The following FHIT variants were observed in gnomAD, a reference collection of about 807,000 sequenced individuals.
FHIT encodes the protein bis(5'-adenosyl)-triphosphatase.
A neutral mutation model predicts 17.9 loss-of-function variants in FHIT; 19 were observed. The observed-to-expected ratio is 1.06, with a 90% CI of 0.74 to 1.56. FHIT has a LOEUF of 1.56. Ranked by LOEUF, FHIT falls within the 40% of genes most tolerant of loss-of-function variation. The pLI is 0.00. For synonymous variants in FHIT, 81 were observed against 69.7 expected, an observed-to-expected ratio of 1.16 and a Z score of -0.81; for missense variants, 248 against 189.2, an observed-to-expected ratio of 1.31 and a Z score of -1.82.
In FHIT at chr3:60,496,270, T is replaced by C. The variant is rs187383947; in HGVS notation, c.103+40590A>G. Among the ~76,000 whole-genome samples, 3 of 152,172 alleles carry C rather than the reference T, an allele frequency of 2.0e-5. No homozygotes were observed. In the East Asian group the frequency reaches 5.8e-4, roughly 29 times the overall value. On this transcript the variant is annotated intron_variant, in intron 5 of 9. Transcript: ENST00000492590. ...CTGTGATGGATATGATCACAAAGGA[T>C]TTAAATCTAGAATATATAAAAATAC...
chr3:60,653,341 T>C (rs1242808778), intron 4 of FHIT, among the ~76,000 whole-genome samples: 1 of 152,144 alleles, frequency 6.6e-6, no homozygotes, highest in Admixed American at 6.5e-5. Flanking sequence ...TGGAATTTTA[T>C]AAATGCGTAA....
At chr3:60,542,440 T>TATTTTCC (rs1433957910) in intron 4 of FHIT, among the ~76,000 whole-genome samples, 2 of 152,210 alleles carry the variant, frequency 1.3e-5, no homozygotes, top group East Asian at 3.9e-4. Flanking sequence ...TCCTACATCC[T>TATTTTCC]TACCAGCACT....
intron 7 of FHIT, among the ~76,000 whole-genome samples, chr3:59,959,256 T>C (rs13325381): frequency 0.027 from 4,099 of 152,258 alleles, 212 homozygotes; most frequent in African/African-American, 0.094. Flanking sequence ...TGCTTCTCAA[T>C]CATTGTCGGA....
chr3:59,934,205 A>G (rs1706113280), intron 7 of FHIT, among the ~76,000 whole-genome samples: 1 of 152,194 alleles, frequency 6.6e-6, no homozygotes, highest in Non-Finnish European at 1.5e-5. Context: ...AAACTGCATG[A>G]TAGATATAAT....
At chr3:60,248,067 T>C (rs1181152936) in intron 5 of FHIT, among the ~76,000 whole-genome samples, 4 of 152,182 alleles carry the variant, frequency 2.6e-5, no homozygotes, top group Admixed American at 6.5e-5. Context: ...GAATGACTTA[T>C]AACCATATCT....
At chr3:60,353,354 T>C (rs764212187) in intron 5 of FHIT, among the ~76,000 whole-genome samples, 15 of 152,176 alleles carry the variant, frequency 9.9e-5, no homozygotes, top group Non-Finnish European at 2.1e-4. Flanking sequence ...TTATGCACTA[T>C]ACAAAGTATA....
chr3:60,241,557 A>G (rs1210854334), intron 5 of FHIT, among the ~76,000 whole-genome samples: 1 of 152,096 alleles, frequency 6.6e-6, no homozygotes, highest in Non-Finnish European at 1.5e-5. Context: ...CTTTTTTTGT[A>G]AGGGTTGAAA....
chr3:60,732,967 T>C (rs1008983152), intron 4 of FHIT, among the ~76,000 whole-genome samples: 5 of 152,172 alleles, frequency 3.3e-5, no homozygotes, highest in Non-Finnish European at 7.3e-5. Context: ...ATTACAGGCG[T>C]GAGCCACCAC....
intron 5 of FHIT, among the ~76,000 whole-genome samples, chr3:60,381,464 G>A (rs371427305): frequency 1.3e-5 from 2 of 148,492 alleles, no homozygotes; most frequent in East Asian, 2.0e-4. Flanking sequence ...GGCAACAAGA[G>A]CAAAACTCCA....
At chr3:60,216,284 G>C (rs1247241490) in intron 5 of FHIT, among the ~76,000 whole-genome samples, 2 of 152,160 alleles carry the variant, frequency 1.3e-5, no homozygotes, top group East Asian at 3.9e-4. Flanking sequence ...CTGATCTAAA[G>C]ACAGTCTAGG....
intron 3 of FHIT, among the ~76,000 whole-genome samples, chr3:60,965,691 T>G (rs1709697831): frequency 6.6e-6 from 1 of 152,202 alleles, no homozygotes; most frequent in Admixed American, 6.5e-5. Context: ...TGTTGGAGTT[T>G]GCTGGAGGTC....
At chr3:60,700,302 C>T (rs2041216216) in intron 4 of FHIT, among the ~76,000 whole-genome samples, 1 of 151,986 alleles carries the variant, frequency 6.6e-6, no homozygotes, top group African/African-American at 2.4e-5. Context: ...AGTTTCATAC[C>T]AGTACATACA....
intron 5 of FHIT, among the ~76,000 whole-genome samples, chr3:60,358,512 T>C (rs1269083095): frequency 6.6e-6 from 1 of 152,200 alleles, no homozygotes; most frequent in African/African-American, 2.4e-5. Flanking sequence ...TAAATCACAA[T>C]GAATTATGAT....
intron 2 of FHIT, among the ~76,000 whole-genome samples, chr3:61,081,968 A>C (rs778081364): frequency 1.3e-5 from 2 of 152,042 alleles, no homozygotes; most frequent in Non-Finnish European, 2.9e-5. Flanking sequence ...AAATCTGTCA[A>C]CTTCTTTCTA....
chr3:60,017,548 G>C (rs1367282067), intron 5 of FHIT, among the ~76,000 whole-genome samples: 1 of 152,190 alleles, frequency 6.6e-6, no homozygotes, highest in Non-Finnish European at 1.5e-5. Flanking sequence ...TCCATTGCTT[G>C]TTGGACAGTC....
chr3:60,556,716 AC>A (rs1454534349), intron 4 of FHIT, among the ~76,000 whole-genome samples: 1 of 152,214 alleles, frequency 6.6e-6, no homozygotes, highest in African/African-American at 2.4e-5. Flanking sequence ...GAATAGCAAC[AC>A]CCTGAAGGTA....
intron 5 of FHIT, among the ~76,000 whole-genome samples, chr3:60,057,255 C>G (rs1702118621): frequency 6.6e-6 from 1 of 152,088 alleles, no homozygotes; most frequent in South Asian, 2.1e-4. Context: ...AAGAAGTAGA[C>G]TAGGGGAGTT....
chr3:60,693,340 T>G (rs1244561393), intron 4 of FHIT, among the ~76,000 whole-genome samples: 2 of 152,228 alleles, frequency 1.3e-5, no homozygotes, highest in Non-Finnish European at 2.9e-5. Flanking sequence ...ATGGCCTGTC[T>G]ATTTTAATTT....
chr3:60,034,776 T>TA (rs1466771925), intron 5 of FHIT, among the ~76,000 whole-genome samples: 9 of 152,160 alleles, frequency 5.9e-5, no homozygotes, highest in Non-Finnish European at 8.8e-5. Flanking sequence ...AATTTACATG[T>TA]AAAAAACTGC....
Sources: allele counts gnomAD v4.1 joint callset (sites outside exome capture counted in the v4.1 genomes callset), GRCh38; gene constraint gnomAD v4.1.1; transcripts MANE v1.5; gene names NCBI Gene and HGNC (gene_info 2026-07-23, HGNC 2026-07-21).